The following CNTN3 variants were observed in gnomAD, a reference collection of about 807,000 sequenced individuals.
CNTN3 encodes contactin-3.
In CNTN3, 60 loss-of-function variants were observed where a neutral mutation model predicts 119.1. The ratio of observed to expected loss-of-function variants is 0.50; its 90% CI spans 0.41 to 0.62. The LOEUF (loss-of-function observed/expected upper bound fraction) is 0.62. CNTN3 is among the 20% of genes least tolerant of loss of function. The pLI, the probability that CNTN3 is intolerant of heterozygous loss-of-function variation, is 0.00. For missense variants in CNTN3, 1,101 were observed against 1,242.4 expected (o/e 0.89, Z 1.71); for synonymous variants, 450 against 438.7 (o/e 1.03, Z -0.32).
intron 4 of CNTN3, among the ~76,000 whole-genome samples, chr3:74,454,943 T>A (rs1055228934): frequency 6.6e-6 from 1 of 152,186 alleles, no homozygotes; most frequent in African/African-American, 2.4e-5. Flanking sequence ...CCTTAACATT[T>A]TTTCCTCATT....
intron 20 of CNTN3, among the ~76,000 whole-genome samples, chr3:74,277,959 T>C (rs1299341874): frequency 1.3e-5 from 2 of 151,242 alleles, no homozygotes; most frequent in Non-Finnish European, 2.9e-5. Context: ...GTAGCTCTTC[T>C]ACACACCAAC....
intron 11 of CNTN3, among the ~76,000 whole-genome samples, chr3:74,343,781 CG>C (rs1575739658): frequency 6.6e-6 from 1 of 152,174 alleles, no homozygotes; most frequent in Non-Finnish European, 1.5e-5. Flanking sequence ...TGCCCACTGC[CG>C]GGCCCACCAT....
At position 74,364,602 on chromosome 3, in the gene CNTN3, T is replaced by C. The variant is rs759797768; in HGVS notation, c.1084-6A>G. Reference sequence around the variant, plus strand: ...TTTTCTATCTGTGTTCTCTCCTAGATGATAATAAAAATATCTTTCATATAA... The same window carrying C: ...TTTTCTATCTGTGTTCTCTCCTAGACGATAATAAAAATATCTTTCATATAA... On this transcript the variant is annotated splice_region_variant and splice_polypyrimidine_tract_variant and intron_variant, in intron 9 of 22. Transcript: ENST00000263665. 16 of 1,596,500 alleles carry C rather than the reference T, an allele frequency of 1.0e-5. No individual in the cohort carries two copies. Among genetic ancestry groups the C allele is most frequent in the Non-Finnish European group, 1.4e-5 (16 of 1,166,144 alleles).
chr3:74,302,840 A>G (rs767388403), intron 13 of CNTN3, 33 bp from the exon 14 acceptor site: 45 of 1,366,284 alleles, frequency 3.3e-5, no homozygotes, highest in Non-Finnish European at 4.1e-5. Context: ...ATACACTGTT[A>G]TTTTTTTAAA....
chr3:74,500,154 C>A (rs2107079528), intron 2 of CNTN3, among the ~76,000 whole-genome samples: 2 of 152,046 alleles, frequency 1.3e-5, no homozygotes, highest in South Asian at 4.2e-4. Context: ...AAAATGAATT[C>A]AACACCTGAG....
intron 18 of CNTN3, 23 bp from the exon 19 acceptor site, chr3:74,295,259 A>C: frequency 7.5e-7 from 1 of 1,336,322 alleles, no homozygotes; most frequent in Non-Finnish European, 1.1e-6. Flanking sequence ...AGAAATTGAA[A>C]TATGATGATA....
chr3:74,451,366 T>C (rs11926070), intron 4 of CNTN3, among the ~76,000 whole-genome samples: 4,946 of 152,194 alleles, frequency 0.032, 272 homozygotes, highest in African/African-American at 0.11. Flanking sequence ...GGGTTGTTTG[T>C]TTTTTTCTTG....
intron 1 of CNTN3, among the ~76,000 whole-genome samples, chr3:74,570,210 A>G (rs987371631): frequency 1.3e-5 from 2 of 152,024 alleles, no homozygotes; most frequent in African/African-American, 2.4e-5. Flanking sequence ...CAAGACATGT[A>G]TATGGAGGGG....
rs575940456 is a variant in CNTN3, at chr3:74,295,639, A to C, written c.2402-403T>G. 4.6e-5 allele frequency among the ~76,000 whole-genome samples: 7 copies of C among 152,298 alleles called. No homozygotes were observed. In the East Asian group the frequency reaches 1.2e-3, roughly 25 times the overall value. On this transcript the variant is annotated intron_variant, in intron 18 of 22. Coordinates refer to ENST00000263665, the MANE Select transcript of CNTN3 (RefSeq NM_020872.3). ...TGCCAAACAAAGGTCTAGGTTAAGT[A>C]AAGCTCATTTACACAATAAACACTG...
chr3:74,577,685 C>A (rs7429217), intron 1 of CNTN3, among the ~76,000 whole-genome samples: 113,528 of 151,882 alleles, frequency 0.75, 42,790 homozygotes, highest in Non-Finnish European at 0.79. Flanking sequence ...AGAAGGTTGA[C>A]TATCTCAAAA....
intron 4 of CNTN3, among the ~76,000 whole-genome samples, chr3:74,427,135 A>G (rs1347875177): frequency 1.3e-5 from 2 of 152,210 alleles, no homozygotes; most frequent in Non-Finnish European, 2.9e-5. Context: ...TCTGCAGTGC[A>G]CGAGTGCAAG....
intron 13 of CNTN3, among the ~76,000 whole-genome samples, chr3:74,311,907 C>T (rs1006081163): frequency 2.0e-5 from 3 of 152,136 alleles, no homozygotes; most frequent in African/African-American, 4.8e-5. Flanking sequence ...CCCCAGGAAC[C>T]AGTGCTGGGC....
chr3:74,520,629 C>A (rs1703528227), intron 2 of CNTN3, among the ~76,000 whole-genome samples: 3 of 151,118 alleles, frequency 2.0e-5, no homozygotes, highest in Non-Finnish European at 4.4e-5. Flanking sequence ...TATCTATATT[C>A]AGTTTTGGTC....
chr3:74,333,088 A>T (rs894567203), intron 13 of CNTN3, among the ~76,000 whole-genome samples: 1 of 152,258 alleles, frequency 6.6e-6, no homozygotes, highest in Non-Finnish European at 1.5e-5. Context: ...GATTTTAGCA[A>T]TTGGTGAAGT....
At chr3:74,562,097 G>C (rs1704162150) in intron 1 of CNTN3, among the ~76,000 whole-genome samples, 1 of 152,072 alleles carries the variant, frequency 6.6e-6, no homozygotes, top group African/African-American at 2.4e-5. Context: ...GAGACTCCAT[G>C]AGGCTCCTGG....
intron 3 of CNTN3, among the ~76,000 whole-genome samples, chr3:74,493,705 G>A (rs1703008254): frequency 6.6e-6 from 1 of 152,254 alleles, no homozygotes; most frequent in East Asian, 1.9e-4. Context: ...GTGTTCAAAT[G>A]CAATGTTTGT....
intron 3 of CNTN3, among the ~76,000 whole-genome samples, chr3:74,489,551 G>A (rs1469227757): frequency 6.6e-6 from 1 of 151,690 alleles, no homozygotes; most frequent in African/African-American, 2.4e-5. Flanking sequence ...CTGAAGTTGT[G>A]GTAAAAGGTC....
intron 4 of CNTN3, among the ~76,000 whole-genome samples, chr3:74,467,800 T>G (rs1702491856): frequency 6.6e-6 from 1 of 152,094 alleles, no homozygotes; most frequent in South Asian, 2.1e-4. Flanking sequence ...TAGAGTTCTT[T>G]AGAAGTGACA....
Position 74,280,379 on chromosome 3 carries a change from C to T in CNTN3, c.2704+4926G>A, listed in dbSNP as rs116420134. Among the ~76,000 whole-genome samples, 673 of 152,246 alleles carry T rather than the reference C, an allele frequency of 4.4e-3. 2 individuals are homozygous for T. Among genetic ancestry groups the T allele is most frequent in the African/African-American group, 0.015 (621 of 41,544 alleles). On this transcript the variant is annotated intron_variant, in intron 20 of 22. Transcript: ENST00000263665. Reference sequence around the variant, plus strand: ...GCAAAGGCATAAAAATATAGAATCCCCTTGTTCCAGGGGAGTCTGGGCATG... The same window carrying T: ...GCAAAGGCATAAAAATATAGAATCCTCTTGTTCCAGGGGAGTCTGGGCATG...
Sources: gnomAD v4.1 joint callset for allele counts (sites outside exome capture counted in the v4.1 genomes callset) on GRCh38, gnomAD v4.1.1 for gene constraint, MANE v1.5 for transcripts, NCBI Gene and HGNC (gene_info 2026-07-23, HGNC 2026-07-21) for gene names.